The following WWOX variants were observed in gnomAD, a reference collection of about 807,000 sequenced individuals.
The protein encoded by WWOX is WW domain containing oxidoreductase, also known as WW domain-containing oxidoreductase.
WWOX carries 69 observed loss-of-function variants against 46.2 expected under a neutral mutation model. The ratio of observed to expected loss-of-function variants is 1.49; its 90% CI spans 1.23 to 1.82. WWOX has a LOEUF of 1.82. Ranked by LOEUF, WWOX falls within the 40% of genes most tolerant of loss-of-function variation. The pLI is 0.00. For missense variants in WWOX, 919 were observed against 542.6 expected (o/e 1.69, Z -6.89); for synonymous variants, 359 against 202.6 (o/e 1.77, Z -6.56).
intron 8 of WWOX, among the ~76,000 whole-genome samples, chr16:79,090,994 GCCAGCCTGGTC>G (rs1567543311): frequency 6.6e-6 from 1 of 151,972 alleles, no homozygotes; most frequent in East Asian, 1.9e-4. Context: ...TACCATGTTG[GCCAGCCTGGTC>G]TCAACCTCCT....
chr16:78,705,618 G>A lies in WWOX; in HGVS notation c.1056+272866G>A, dbSNP rs528327970. On this transcript the variant is annotated intron_variant, in intron 8 of 8. Transcript: ENST00000566780. Reference sequence around the variant, plus strand: ...AGTAAATACTTAAAGTAACAGAAAAGGACTGGGGAAAAGCTGATGTTGTAG... The same window carrying A: ...AGTAAATACTTAAAGTAACAGAAAAAGACTGGGGAAAAGCTGATGTTGTAG... Among the ~76,000 whole-genome samples, 63 of 152,296 alleles carry A rather than the reference G, an allele frequency of 4.1e-4. No individual in the cohort carries two copies. In the South Asian group the frequency reaches 0.012, roughly 30 times the overall value.
chr16:79,072,932 G>A (rs775595171), intron 8 of WWOX, among the ~76,000 whole-genome samples: 9 of 152,096 alleles, frequency 5.9e-5, no homozygotes, highest in Non-Finnish European at 1.0e-4. Flanking sequence ...AAGTGGAAGT[G>A]TTTTCCCCAT....
intron 8 of WWOX, among the ~76,000 whole-genome samples, chr16:78,881,488 T>G (rs1324230448): frequency 6.6e-6 from 1 of 152,194 alleles, no homozygotes; most frequent in Non-Finnish European, 1.5e-5. Context: ...ACTAGAAAAT[T>G]AAATATTCAA....
chr16:78,492,256 C>G (rs1366507045), intron 8 of WWOX, among the ~76,000 whole-genome samples: 1 of 152,156 alleles, frequency 6.6e-6, no homozygotes. Flanking sequence ...AGAGGTTGGA[C>G]GAGACACTCA....
intron 8 of WWOX, among the ~76,000 whole-genome samples, chr16:78,689,523 C>A (rs187679303): frequency 2.3e-4 from 35 of 152,320 alleles, no homozygotes; most frequent in Admixed American, 2.3e-3. Flanking sequence ...TCTTCATAGT[C>A]CAGTCTTTGT....
intron 8 of WWOX, among the ~76,000 whole-genome samples, chr16:78,499,656 C>A (rs1043882363): frequency 6.6e-6 from 1 of 152,218 alleles, no homozygotes; most frequent in Non-Finnish European, 1.5e-5. Context: ...GTGCCTGCGA[C>A]TCTCTTCCCT....
chr16:78,546,987 G>A (rs1300007319), intron 8 of WWOX, among the ~76,000 whole-genome samples: 2 of 151,874 alleles, frequency 1.3e-5, no homozygotes, highest in Non-Finnish European at 2.9e-5. Flanking sequence ...AATTAGCTGG[G>A]CATGGTAGTG....
At chr16:78,797,168 C>A (rs181534229) in intron 8 of WWOX, among the ~76,000 whole-genome samples, 2 of 152,040 alleles carry the variant, frequency 1.3e-5, no homozygotes, top group South Asian at 4.2e-4. Flanking sequence ...CGTACCTGCC[C>A]TGTCTGCCTC....
intron 8 of WWOX, among the ~76,000 whole-genome samples, chr16:78,962,467 C>G (rs772111051): frequency 1.3e-5 from 2 of 151,940 alleles, no homozygotes; most frequent in African/African-American, 4.8e-5. Context: ...GGATGACAGT[C>G]ATTTTCTAAG....
intron 8 of WWOX, among the ~76,000 whole-genome samples, chr16:79,145,347 A>T (rs577015245): frequency 6.6e-6 from 1 of 152,178 alleles, no homozygotes; most frequent in Admixed American, 6.6e-5. Flanking sequence ...AAACACTTTC[A>T]GTAGAGTCAA....
chr16:78,901,405 C>G (rs554671595), intron 8 of WWOX, among the ~76,000 whole-genome samples: 2 of 152,100 alleles, frequency 1.3e-5, no homozygotes, highest in East Asian at 3.9e-4. Flanking sequence ...TCTTTTTTTC[C>G]TGTTCTTTTC....
intron 8 of WWOX, among the ~76,000 whole-genome samples, chr16:79,066,159 G>C (rs546678917): frequency 6.6e-6 from 1 of 152,156 alleles, no homozygotes; most frequent in Non-Finnish European, 1.5e-5. Flanking sequence ...CTTTGAGTTT[G>C]CCGTCCTCTC....
chr16:79,122,989 G>C (rs992757952), intron 8 of WWOX, among the ~76,000 whole-genome samples: 16 of 152,310 alleles, frequency 1.1e-4, no homozygotes, highest in African/African-American at 3.8e-4. Context: ...GATTCCAGTT[G>C]CCCTTTTCCT....
At chr16:79,188,562 A>C (rs1163634360) in intron 8 of WWOX, among the ~76,000 whole-genome samples, 1 of 152,182 alleles carries the variant, frequency 6.6e-6, no homozygotes, top group Admixed American at 6.5e-5. Flanking sequence ...GTTTCACCTA[A>C]TTTCCACACT....
At chr16:78,189,250 A>G (rs1248207491) in intron 5 of WWOX, among the ~76,000 whole-genome samples, 1 of 152,204 alleles carries the variant, frequency 6.6e-6, no homozygotes, top group Non-Finnish European at 1.5e-5. Context: ...CAAGATCTTC[A>G]GAGCTGCAGC....
chr16:78,795,609 G>T (rs991589471), intron 8 of WWOX, among the ~76,000 whole-genome samples: 1 of 152,160 alleles, frequency 6.6e-6, no homozygotes, highest in African/African-American at 2.4e-5. Flanking sequence ...GGAGCACCAC[G>T]CCTCACTAAT....
intron 8 of WWOX, among the ~76,000 whole-genome samples, chr16:78,978,704 A>C (rs2046620414): frequency 6.6e-6 from 1 of 152,160 alleles, no homozygotes; most frequent in East Asian, 1.9e-4. Flanking sequence ...AGCAACAGAG[A>C]GCGACTGGGG....
At chr16:78,821,588 G>T (rs1325915139) in intron 8 of WWOX, among the ~76,000 whole-genome samples, 2 of 152,104 alleles carry the variant, frequency 1.3e-5, no homozygotes, top group African/African-American at 2.4e-5. Flanking sequence ...ATGACCTGTG[G>T]TATTTTTATA....
intron 5 of WWOX, among the ~76,000 whole-genome samples, chr16:78,334,226 C>G (rs761580043): frequency 8.5e-5 from 13 of 152,198 alleles, no homozygotes; most frequent in Non-Finnish European, 1.5e-4. Flanking sequence ...CTGCCACAAA[C>G]TGCGGCTCGT....
Sources: allele counts gnomAD v4.1 joint callset (sites outside exome capture counted in the v4.1 genomes callset), GRCh38; gene constraint gnomAD v4.1.1; transcripts MANE v1.5; gene names NCBI Gene and HGNC (gene_info 2026-07-23, HGNC 2026-07-21).